MGST1: variants seen among roughly 807,000 people sequenced by gnomAD.
MGST1 encodes the protein microsomal glutathione S-transferase 1.
A neutral mutation model predicts 8.9 loss-of-function variants in MGST1; 5 were observed. The ratio of observed to expected loss-of-function variants is 0.56; its 90% confidence interval spans 0.29 to 1.19. The LOEUF is 1.19. Ranked by LOEUF, MGST1 falls within the 50% of genes most tolerant of loss-of-function variation. The pLI, the probability that MGST1 is intolerant of heterozygous loss-of-function variation, is 0.08. For missense variants in MGST1, 182 were observed against 187.4 expected (o/e 0.97, Z 0.17); for synonymous variants, 54 against 67.8 (o/e 0.80, Z 1.00).
intron 4 of MGST1, among the ~76,000 whole-genome samples, chr12:16,519,458 G>C (rs1308325407): frequency 1.3e-5 from 2 of 152,096 alleles, no homozygotes; most frequent in Non-Finnish European, 2.9e-5. Flanking sequence ...ACTGGCAGTG[G>C]ATCCAAGATA....
At position 16,410,985 on chromosome 12, in the gene MGST1, T is replaced by C. The variant is rs527784539; in HGVS notation, n.779-26403T>C. On this transcript the variant is annotated intron_variant and non_coding_transcript_variant, in intron 1 of 1. Transcript: ENST00000359720. The surrounding 1 kb of genome is among the most constrained non-coding windows in gnomAD (Gnocchi z 4.4). ...GACATGGAACCTTTGAATGTACCTT[T>C]CCCTCTGCCTGCAATGCTATGCTTC... Among the ~76,000 whole-genome samples, 12 of 152,272 alleles carry C rather than the reference T, an allele frequency of 7.9e-5. No homozygotes were observed. The highest frequency in any genetic ancestry group is 1.3e-4 in the Non-Finnish European group (9 of 68,038).
intron 4 of MGST1, among the ~76,000 whole-genome samples, chr12:16,449,610 T>C (rs1941113318): frequency 6.6e-6 from 1 of 151,944 alleles, no homozygotes; most frequent in South Asian, 2.1e-4. Flanking sequence ...CTCCATGTCA[T>C]TGTTCATCAA....
At position 16,479,235 on chromosome 12, in the gene MGST1, CTTTTTTT is replaced by C. The variant is rs542448251; in HGVS notation, n.482+95644_482+95650del. The stretch of plus-strand genomic sequence containing the variant: ...ATAACGTATTTTTAATAGACTGTAT[CTTTTTTT>C]TTTTTTTTTTTTGACGGAGTCTCGC... On this transcript the variant is annotated intron_variant and non_coding_transcript_variant, in intron 4 of 4. Coordinates refer to the MGST1 transcript ENST00000538857. Among the ~76,000 whole-genome samples, 14 of 112,052 alleles carry C rather than the reference CTTTTTTT, an allele frequency of 1.2e-4. No homozygotes were observed. The South Asian group carries it at 3.5e-3, about 28-fold the overall frequency. 73.5% of individuals were successfully genotyped at this position (112,052 alleles called of 152,430 possible). A position where few individuals can be genotyped will look rare whatever the true frequency, so the allele number is the denominator to read the frequency against.
rs190668093 is a variant in MGST1, at chr12:16,361,723, A to G, written c.222-2072A>G. Among the ~76,000 whole-genome samples the G allele has an allele frequency of 2.0e-5, 3 of 152,338 alleles. No individual in the cohort carries two copies. Among genetic ancestry groups the G allele is most frequent in the South Asian group, 4.1e-4 (2 of 4,824 alleles). On this transcript the variant is annotated intron_variant, in intron 3 of 3. Transcript: ENST00000396210. The surrounding 1 kb of genome is among the most constrained non-coding windows in gnomAD (Gnocchi z 4.2). ...AGTACAAAATACAGCATAAATTGGC[A>G]TAAGTATGAGGGTCTGTGGAAAACA...
At chr12:16,476,264 G>A (rs1016668952) in intron 4 of MGST1, among the ~76,000 whole-genome samples, 1 of 152,198 alleles carries the variant, frequency 6.6e-6, no homozygotes, top group Non-Finnish European at 1.5e-5. Context: ...TAAGGAGACA[G>A]CAGTGGTTGT....
chr12:16,568,939 G>C (rs1371690918), intron 4 of MGST1, among the ~76,000 whole-genome samples: 1 of 152,130 alleles, frequency 6.6e-6, no homozygotes, highest in African/African-American at 2.4e-5. Context: ...ATACAGGCCA[G>C]AGACATTTTT....
chr12:16,464,507 G>A (rs1941241538), intron 4 of MGST1, among the ~76,000 whole-genome samples: 1 of 152,166 alleles, frequency 6.6e-6, no homozygotes, highest in Non-Finnish European at 1.5e-5. Flanking sequence ...GGCTGTGTGT[G>A]TTTCACCAAA....
chr12:16,500,241 A>T lies in MGST1; in HGVS notation n.483-89287A>T, dbSNP rs1469927412. 6.6e-6 allele frequency among the ~76,000 whole-genome samples: 1 copy of T among 152,184 alleles called. No individual in the cohort carries two copies. The highest frequency in any genetic ancestry group is 1.5e-5 in the Non-Finnish European group (1 of 68,036). ...TGTTTAAAGAAAATAATTAAAGGTTATGCCATTAAAAAATGTGTCCAAAAT... is the reference window on the plus strand; with the variant it reads ...TGTTTAAAGAAAATAATTAAAGGTTTTGCCATTAAAAAATGTGTCCAAAAT... On this transcript the variant is annotated intron_variant and non_coding_transcript_variant, in intron 4 of 4. Transcript: ENST00000538857. The surrounding 1 kb of genome is among the most constrained non-coding windows in gnomAD (Gnocchi z 4.3).
At chr12:16,461,358 C>T (rs763201273) in intron 4 of MGST1, among the ~76,000 whole-genome samples, 1 of 152,074 alleles carries the variant, frequency 6.6e-6, no homozygotes, top group Non-Finnish European at 1.5e-5. Flanking sequence ...TATTACTTAA[C>T]TTCTAGATCT....
At chr12:16,402,916 A>T (rs937600295) in intron 1 of MGST1, among the ~76,000 whole-genome samples, 1 of 147,580 alleles carries the variant, frequency 6.8e-6, no homozygotes, top group African/African-American at 2.5e-5. Context: ...ATATATATTT[A>T]AAAATAAAAG....
chr12:16,580,204 G>C (rs112581235), intron 4 of MGST1, among the ~76,000 whole-genome samples: 403 of 152,208 alleles, frequency 2.6e-3, no homozygotes, highest in Middle Eastern at 0.01. Flanking sequence ...GGGCTCAAGT[G>C]GTCCTCCCAC....
rs1329162059 is a variant in MGST1 at position 16,500,527 on chromosome 12, A to G, written n.483-89001A>G. On this transcript the variant is annotated intron_variant and non_coding_transcript_variant, in intron 4 of 4. Transcript: ENST00000538857. The surrounding 1 kb of genome is among the most constrained non-coding windows in gnomAD (Gnocchi z 4.3). ...TCATTTCAAAACGGAAAAGATACTT[A>G]TTTTGTGTGCCAGTCCTGTCCTTTG... Among the ~76,000 whole-genome samples the G allele has an allele frequency of 6.6e-6, 1 of 152,158 alleles. No homozygotes were observed. Among genetic ancestry groups the G allele is most frequent in the Non-Finnish European group, 1.5e-5 (1 of 68,004 alleles).
At chr12:16,516,330 G>A (rs1480607721) in intron 4 of MGST1, among the ~76,000 whole-genome samples, 3 of 152,170 alleles carry the variant, frequency 2.0e-5, no homozygotes, top group Non-Finnish European at 4.4e-5. Context: ...GTCATTATTA[G>A]CCATACAGCC....
At chr12:16,425,336 G>A (rs887083960) in intron 1 of MGST1, among the ~76,000 whole-genome samples, 3 of 152,116 alleles carry the variant, frequency 2.0e-5, no homozygotes, top group East Asian at 1.9e-4. Flanking sequence ...AAGTTGGAGT[G>A]CAATGGCATG....
intron 4 of MGST1, among the ~76,000 whole-genome samples, chr12:16,571,116 C>G (rs1220512750): frequency 6.6e-6 from 1 of 152,030 alleles, no homozygotes; most frequent in Non-Finnish European, 1.5e-5. Flanking sequence ...GTTGAAGAAA[C>G]AACCTAACTA....
chr12:16,507,953 T>C (rs1339271177), intron 4 of MGST1, among the ~76,000 whole-genome samples: 1 of 152,196 alleles, frequency 6.6e-6, no homozygotes, highest in Non-Finnish European at 1.5e-5. Context: ...TTCTTTCATG[T>C]GCCCTCTGCT....
chr12:16,545,282 T>C (rs988935325), intron 4 of MGST1, among the ~76,000 whole-genome samples: 1 of 152,098 alleles, frequency 6.6e-6, no homozygotes, highest in Non-Finnish European at 1.5e-5. Context: ...ATTAGGGTTG[T>C]ATGTTTAATA....
At chr12:16,484,817 C>T (rs1470885874) in intron 4 of MGST1, among the ~76,000 whole-genome samples, 1 of 152,182 alleles carries the variant, frequency 6.6e-6, no homozygotes, top group Non-Finnish European at 1.5e-5. Flanking sequence ...TGATCAGGGA[C>T]ATAAATCCAA....
intron 4 of MGST1, among the ~76,000 whole-genome samples, chr12:16,446,629 T>C (rs1228018602): frequency 6.6e-6 from 1 of 151,892 alleles, no homozygotes; most frequent in Non-Finnish European, 1.5e-5. Context: ...AGGCCCCTGA[T>C]GGTTAAATGC....
Sources: allele counts gnomAD v4.1 joint callset (sites outside exome capture counted in the v4.1 genomes callset), GRCh38; gene constraint gnomAD v4.1.1; non-coding constraint Gnocchi (gnomAD v3.1); transcripts MANE v1.5; gene names NCBI Gene and HGNC (gene_info 2026-07-23, HGNC 2026-07-21).